AFDN: variants seen among roughly 807,000 people sequenced by gnomAD.
The protein encoded by AFDN is afadin.
In AFDN, 68 loss-of-function variants were observed where a neutral mutation model predicts 216.6. The ratio of observed to expected loss-of-function variants is 0.31; its 90% confidence interval spans 0.26 to 0.38. The LOEUF is 0.38. Among genes scored for constraint, AFDN ranks in the 10% least tolerant of loss-of-function variants. AFDN has a pLI of 1.00. For synonymous variants in AFDN, 868 were observed against 853.7 expected, an observed-to-expected ratio of 1.02 and a Z score of -0.29; for missense variants, 2,136 against 2,342.0, an observed-to-expected ratio of 0.91 and a Z score of 1.82.
Position 167,946,827 on chromosome 6 carries a change from A to T in AFDN, c.3479A>T (p.Glu1160Val). The change falls in exon 27 of 34, where the codon GAA (glutamate) becomes GTA (valine). Residue 1160 changes from glutamate to valine, a missense_variant. Glu to Val is a moderately radical substitution (Grantham distance 121). Around this residue, in one of 8 missense-constraint regions of AFDN, gnomAD observed 981 missense variants for 966.0 expected, o/e 1.02. Transcript: ENST00000683244. ...CAGCTGCCTTGGGCAGAATATAGTGAACCAAAGAAATTGCCTGGTGATGAC... is the reference window on the plus strand; with the variant it reads ...CAGCTGCCTTGGGCAGAATATAGTGTACCAAAGAAATTGCCTGGTGATGAC... The part of the protein sequence containing the change: ...SPQLPWAEYS[E>V]PKKLPGDDRL... 6.2e-7 allele frequency: 1 copy of T among 1,612,836 alleles called. No homozygotes were observed. The highest frequency in any genetic ancestry group is 8.5e-7 in the Non-Finnish European group (1 of 1,179,722).
At chr6:167,827,975 C>T (rs1457556696) in intron 1 of AFDN, 1 of 152,178 alleles carries the variant, frequency 6.6e-6, no homozygotes, top group Non-Finnish European at 1.5e-5. Flanking sequence ...TGAAAGCGTT[C>T]CGAGCAGCTT....
At chr6:167,888,435 A>G (rs1250830241) in intron 6 of AFDN, among the ~76,000 whole-genome samples, 1 of 152,142 alleles carries the variant, frequency 6.6e-6, no homozygotes, top group African/African-American at 2.4e-5. Context: ...TATTCTCTCT[A>G]ATCCTGTTTT....
chr6:167,913,453 C>G, intron 16 of AFDN, 30 bp downstream of exon 16: 1 of 1,535,038 alleles, frequency 6.5e-7, no homozygotes. Flanking sequence ...CTGATCCTAG[C>G]TGTGTTGCTT....
chr6:167,869,534 T>C (rs1431216297), intron 2 of AFDN, among the ~76,000 whole-genome samples: 1 of 152,160 alleles, frequency 6.6e-6, no homozygotes, highest in African/African-American at 2.4e-5. Context: ...GAATGTAGCC[T>C]GAGTTGTGTG....
Position 167,848,178 on chromosome 6 carries a change from G to GT in AFDN, c.106-16372dup, listed in dbSNP as rs549947339. Among the ~76,000 whole-genome samples, 172 of 152,240 alleles carry GT rather than the reference G, an allele frequency of 1.1e-3. 2 individuals are homozygous for GT. The highest frequency in any genetic ancestry group is 4.1e-3 in the African/African-American group (171 of 41,548). ...TGAATACCTTGGCTTGAGTTTATTC[G>GT]TAACTATCATGGTCACATTTCTTTG... On this transcript the variant is annotated intron_variant, in intron 1 of 33. Transcript: ENST00000683244.
intron 1 of AFDN, among the ~76,000 whole-genome samples, chr6:167,861,324 T>C (rs1470639447): frequency 1.3e-5 from 2 of 152,208 alleles, no homozygotes; most frequent in Non-Finnish European, 2.9e-5. Context: ...TAACATGTAG[T>C]GCAAATGAAA....
intron 1 of AFDN, among the ~76,000 whole-genome samples, chr6:167,850,414 T>C (rs912260280): frequency 6.6e-6 from 1 of 152,204 alleles, no homozygotes; most frequent in Non-Finnish European, 1.5e-5. Flanking sequence ...AGTTTTTTTT[T>C]CTTAATTGGA....
At chr6:167,968,714 A>G (rs1797794497) in intron 32 of AFDN, 2 of 187,978 alleles carry the variant, frequency 1.1e-5, no homozygotes, top group Admixed American at 1.1e-4. Context: ...ACTTGGATAC[A>G]TTGAAAACTT....
In AFDN at chr6:167,837,228, T is replaced by C. The variant is rs139540748; in HGVS notation, c.105+9991T>C. ...ATGATTAGACATGAAGGAGCTAGTA[T>C]GTTTGCTTCACTATAGTAAGATACA... On this transcript the variant is annotated intron_variant, in intron 1 of 33. Coordinates refer to ENST00000683244, the MANE Select transcript of AFDN (RefSeq NM_001386888.1). Among the ~76,000 whole-genome samples the C allele has an allele frequency of 7.2e-3, 1,094 of 152,322 alleles. 16 individuals are homozygous for C. Among genetic ancestry groups the C allele is most frequent in the African/African-American group, 0.025 (1,046 of 41,582 alleles).
chr6:167,911,147 G>A lies in AFDN; in HGVS notation c.1816G>A (p.Glu606Lys). The change falls in exon 14 of 34, where the codon GAA becomes AAA. Residue 606 changes from glutamate (E) to lysine (K), a missense_variant. Glu to Lys is a moderately conservative substitution (Grantham distance 56, BLOSUM62 1). Coordinates refer to ENST00000683244, the MANE Select transcript of AFDN (RefSeq NM_001386888.1). ...TGAGCTGATACTACCTGCAAGCATT[G>A]AATTCAGGGAAAGTTGTGAGTAATT... ...GPELILPASIEFRESSEDSFL... is the reference protein window; with the variant it reads ...GPELILPASIKFRESSEDSFL... 1 of 1,613,952 alleles carries A rather than the reference G, an allele frequency of 6.2e-7. No individual in the cohort carries two copies. Among genetic ancestry groups the A allele is most frequent in the Non-Finnish European group, 8.5e-7 (1 of 1,179,908 alleles).
At chr6:167,834,480 C>G (rs476735) in intron 1 of AFDN, among the ~76,000 whole-genome samples, 1,294 of 35,810 alleles carry the variant, frequency 0.036, 31 homozygotes, top group African/African-American at 0.11. Flanking sequence ...TTTTTTTTTT[C>G]GAAAGGTATA....
At position 167,951,371 on chromosome 6, in the gene AFDN, T is replaced by C. The variant is rs971498667; in HGVS notation, c.4017T>C (p.Ala1339=). The change falls in exon 30 of 34, where the codon GCT becomes GCC. Residue 1339 remains alanine, a synonymous_variant. Coordinates refer to ENST00000683244, the MANE Select transcript of AFDN (RefSeq NM_001386888.1). The surrounding 1 kb of genome is among the most constrained non-coding windows in gnomAD (Gnocchi z 7.1). The part of the protein sequence containing the change: ...LNHSSKSVTP[A]STLTKSGPGR... ...ATTCCTCTAAGTCGGTCACCCCTGC[T>C]TCCACACTGACCAAAAGTGGCCCTG... 5.6e-6 allele frequency: 9 copies of C among 1,614,046 alleles called. No homozygotes were observed. Among genetic ancestry groups the C allele is most frequent in the Non-Finnish European group, 7.6e-6 (9 of 1,180,032 alleles).
chr6:167,956,128 A>C (rs1029504453), intron 30 of AFDN, among the ~76,000 whole-genome samples: 2 of 150,944 alleles, frequency 1.3e-5, no homozygotes, highest in Admixed American at 6.6e-5. Context: ...AAAAAAAAAA[A>C]AAAAAAAAAA....
chr6:167,860,550 T>C (rs1055613040), intron 1 of AFDN, among the ~76,000 whole-genome samples: 3 of 152,116 alleles, frequency 2.0e-5, no homozygotes, highest in Non-Finnish European at 4.4e-5. Flanking sequence ...ATGAGTTGCT[T>C]TATATATTTT....
intron 27 of AFDN, among the ~76,000 whole-genome samples, chr6:167,947,402 A>C (rs1450855005): frequency 6.6e-6 from 1 of 152,080 alleles, no homozygotes; most frequent in East Asian, 1.9e-4. Context: ...GATGGTCTCG[A>C]TCTCCTGACC....
At chr6:167,913,524 C>T in intron 16 of AFDN, 101 bp downstream of exon 16, 2 of 1,056,406 alleles carry the variant, frequency 1.9e-6, no homozygotes, top group South Asian at 1.4e-5. Context: ...GACTGAACAG[C>T]TCATAACACT....
chr6:167,908,402 T>C (rs1412440480), intron 13 of AFDN, among the ~76,000 whole-genome samples: 2 of 152,246 alleles, frequency 1.3e-5, no homozygotes, highest in Non-Finnish European at 2.9e-5. Context: ...TTTTATTGGC[T>C]ATGTGAATCT....
At chr6:167,883,815 T>G (rs1184876171) in intron 6 of AFDN, among the ~76,000 whole-genome samples, 3 of 152,182 alleles carry the variant, frequency 2.0e-5, no homozygotes, top group Admixed American at 2.0e-4. Flanking sequence ...GAAGGTGAGT[T>G]AGGTTGGCTG....
rs550111490 is a variant in AFDN at position 167,908,635 on chromosome 6, A to C, written c.1769+1346A>C. 9.2e-5 allele frequency among the ~76,000 whole-genome samples: 14 copies of C among 152,324 alleles called. No individual in the cohort carries two copies. In the East Asian group the frequency reaches 2.7e-3, roughly 29 times the overall value. On this transcript the variant is annotated intron_variant, in intron 13 of 33. Transcript: ENST00000683244. ...GATTGATTAGGATAATGCTTTTAAT[A>C]TATGCAAAATTAGTGATTAATATAG...
Sources: gnomAD v4.1 joint callset for allele counts (sites outside exome capture counted in the v4.1 genomes callset) on GRCh38, gnomAD v4.1.1 for gene constraint, gnomAD v4.1.1 regional missense constraint, Gnocchi (gnomAD v3.1) non-coding constraint, MANE v1.5 for transcripts, NCBI Gene and HGNC (gene_info 2026-07-23, HGNC 2026-07-21) for gene names.